The following CWC27 variants were observed in gnomAD, a reference collection of about 807,000 sequenced individuals.
CWC27 encodes the protein spliceosome-associated protein CWC27 homolog.
Under a neutral mutation model 63.6 loss-of-function variants are expected in CWC27, and 47 were observed. That is an observed-to-expected ratio of 0.74 (90% CI 0.58 to 0.94). The LOEUF (loss-of-function observed/expected upper bound fraction) is 0.94, where lower values mean the gene tolerates loss of function less well. CWC27 is among the 40% of genes least tolerant of loss of function. The pLI is 0.00. For synonymous variants in CWC27, 175 were observed against 179.8 expected (o/e 0.97, Z 0.22); for missense variants, 495 against 554.3 (o/e 0.89, Z 1.07).
intron 11 of CWC27, among the ~76,000 whole-genome samples, chr5:64,889,325 C>T (rs1461908988): frequency 6.6e-6 from 1 of 152,106 alleles, no homozygotes; most frequent in Non-Finnish European, 1.5e-5. Flanking sequence ...TCTATGGTCA[C>T]GGAAGGCCTT....
chr5:64,859,755 A>T (rs1405245530), intron 10 of CWC27, among the ~76,000 whole-genome samples: 1 of 152,116 alleles, frequency 6.6e-6, no homozygotes, highest in East Asian at 1.9e-4. Context: ...ATTTCTTAAG[A>T]TCCTCTCCTA....
chr5:64,914,806 G>C (rs1747859061), intron 11 of CWC27, among the ~76,000 whole-genome samples: 1 of 151,818 alleles, frequency 6.6e-6, no homozygotes, highest in East Asian at 1.9e-4. Flanking sequence ...GGAGTGTTCA[G>C]TATTATTATT....
chr5:64,987,651 C>T (rs1749461461), intron 13 of CWC27, among the ~76,000 whole-genome samples: 1 of 152,052 alleles, frequency 6.6e-6, no homozygotes, highest in Non-Finnish European at 1.5e-5. Context: ...TTTAGTTTTC[C>T]TTCACTTTAG....
At chr5:64,963,173 G>A (rs1488722182) in intron 11 of CWC27, among the ~76,000 whole-genome samples, 1 of 152,000 alleles carries the variant, frequency 6.6e-6, no homozygotes, top group Non-Finnish European at 1.5e-5. Flanking sequence ...TGTTGCCCAG[G>A]CTGGTTTCAA....
chr5:64,939,439 AG>A (rs774937778), intron 11 of CWC27, among the ~76,000 whole-genome samples: 148 of 152,326 alleles, frequency 9.7e-4, no homozygotes, highest in Non-Finnish European at 1.8e-3. Flanking sequence ...AGTTATTACC[AG>A]TGGAGGCTGC....
intron 10 of CWC27, among the ~76,000 whole-genome samples, chr5:64,858,420 C>T (rs1403400714): frequency 6.6e-6 from 1 of 150,736 alleles, no homozygotes; most frequent in African/African-American, 2.4e-5. Flanking sequence ...CAAGATCGCC[C>T]CACTGCACTC....
intron 1 of CWC27, among the ~76,000 whole-genome samples, chr5:64,771,858 A>T (rs80091320): frequency 1.3e-5 from 2 of 152,190 alleles, no homozygotes; most frequent in Non-Finnish European, 2.9e-5. Flanking sequence ...TGAAAAGATT[A>T]AGAAACCCTG....
intron 11 of CWC27, among the ~76,000 whole-genome samples, chr5:64,957,254 G>A (rs1261602634): frequency 6.6e-6 from 1 of 152,118 alleles, no homozygotes; most frequent in Non-Finnish European, 1.5e-5. Context: ...TTTCTCATTG[G>A]CTTCATAAAT....
At chr5:64,884,037 T>C (rs1353750009) in intron 10 of CWC27, 3 of 152,078 alleles carry the variant, frequency 2.0e-5, no homozygotes, top group Non-Finnish European at 4.4e-5. Context: ...TGGAGGTTTG[T>C]CTCCCCCAAC....
chr5:64,808,931 T>C (rs1461336211), intron 10 of CWC27, among the ~76,000 whole-genome samples: 1 of 152,140 alleles, frequency 6.6e-6, no homozygotes, highest in African/African-American at 2.4e-5. Context: ...AACTTTTAAT[T>C]TAAGTATAAT....
At chr5:64,938,030 C>G (rs1331061710) in intron 11 of CWC27, among the ~76,000 whole-genome samples, 2 of 150,964 alleles carry the variant, frequency 1.3e-5, no homozygotes, top group African/African-American at 4.9e-5. Flanking sequence ...CTGAATACAG[C>G]ACACCAATGG....
intron 10 of CWC27, among the ~76,000 whole-genome samples, chr5:64,851,417 G>A (rs920892573): frequency 6.6e-6 from 1 of 152,174 alleles, no homozygotes; most frequent in African/African-American, 2.4e-5. Context: ...GGGAGACGAT[G>A]CTCACAGGGT....
Position 64,772,554 on chromosome 5 carries a change from G to A in CWC27, c.43-2137G>A, listed in dbSNP as rs553947260. ...AGGCAGGGGAATTGCTTGAACCAAG[G>A]AAGTGGAGGTTGCAGTGAACTGAGA... On this transcript the variant is annotated intron_variant, in intron 1 of 13. Coordinates refer to ENST00000381070, the MANE Select transcript of CWC27 (RefSeq NM_005869.4). 2.3e-5 allele frequency among the ~76,000 whole-genome samples: 3 copies of A among 133,122 alleles called. No homozygotes were observed. The South Asian group carries it at 7.6e-4, about 34-fold the overall frequency. 87.3% of individuals were successfully genotyped at this position (133,122 alleles called of 152,430 possible).
chr5:64,813,443 T>A (rs115908276), intron 10 of CWC27, among the ~76,000 whole-genome samples: 3 of 152,162 alleles, frequency 2.0e-5, no homozygotes, highest in African/African-American at 7.2e-5. Flanking sequence ...ATGACAACCC[T>A]ACTGTTTTTA....
intron 10 of CWC27, among the ~76,000 whole-genome samples, chr5:64,877,893 T>C (rs935362576): frequency 2.0e-4 from 31 of 151,908 alleles, no homozygotes; most frequent in Non-Finnish European, 4.3e-4. Context: ...TCAGCTTTTT[T>C]GTGTCTAGGA....
intron 11 of CWC27, among the ~76,000 whole-genome samples, chr5:64,954,719 TAGCCACA>T (rs543618369): frequency 6.8e-5 from 10 of 146,356 alleles, no homozygotes; most frequent in Middle Eastern, 3.5e-3. Flanking sequence ...ACTAAATATA[TAGCCACA>T]AGCCACAAAC....
chr5:64,891,373 C>T (rs1277568708), intron 11 of CWC27, among the ~76,000 whole-genome samples: 1 of 152,154 alleles, frequency 6.6e-6, no homozygotes, highest in African/African-American at 2.4e-5. Flanking sequence ...TTTTCTTGAA[C>T]CCCTTACTAC....
At chr5:65,016,669 C>A (rs1455024538) in intron 13 of CWC27, among the ~76,000 whole-genome samples, 1 of 152,008 alleles carries the variant, frequency 6.6e-6, no homozygotes, top group Non-Finnish European at 1.5e-5. Context: ...GCTACTGAAC[C>A]CTTAGTAATG....
intron 7 of CWC27, among the ~76,000 whole-genome samples, chr5:64,794,702 A>T (rs1338531985): frequency 6.6e-6 from 1 of 152,164 alleles, no homozygotes; most frequent in African/African-American, 2.4e-5. Context: ...ATGATCCTAG[A>T]CTTCAAATAT....
Sources: gnomAD v4.1 joint callset for allele counts (sites outside exome capture counted in the v4.1 genomes callset) on GRCh38, gnomAD v4.1.1 for gene constraint, MANE v1.5 for transcripts, NCBI Gene and HGNC (gene_info 2026-07-23, HGNC 2026-07-21) for gene names.